RTL4: variants seen among roughly 807,000 people sequenced by gnomAD.
RTL4 encodes the protein retrotransposon Gag like 4.
A neutral mutation model predicts 5.3 loss-of-function variants in RTL4; 4 were observed. That is an observed-to-expected ratio of 0.75 (90% CI 0.37 to 1.72). RTL4 has a LOEUF of 1.72. Among genes scored for constraint, RTL4 ranks in the 40% most tolerant of loss-of-function variants. The pLI is 0.04. For synonymous variants in RTL4, 98 were observed against 87.3 expected (o/e 1.12, Z -0.68); for missense variants, 260 against 227.1 (o/e 1.14, Z -0.93).
chrX:112,208,058 T>A, the RTL4 span, among the ~76,000 whole-genome samples: 1 of 111,779 alleles, frequency 8.9e-6, no homozygotes, highest in African/African-American at 3.2e-5. Flanking sequence ...TAGGGACTTG[T>A]GGCATTGAGA....
At chrX:112,242,598 T>C in the RTL4 span, among the ~76,000 whole-genome samples, 5 of 111,981 alleles carry the variant, frequency 4.5e-5, no homozygotes, top group Non-Finnish European at 7.5e-5. Flanking sequence ...GATTTTGGGC[T>C]GAGATCATGG....
the RTL4 span, among the ~76,000 whole-genome samples, chrX:112,441,750 A>G: frequency 8.9e-6 from 1 of 112,264 alleles, no homozygotes; most frequent in South Asian, 3.7e-4. Flanking sequence ...TGTACACCTT[A>G]AATATATACA....
the RTL4 span, among the ~76,000 whole-genome samples, chrX:112,235,350 G>C: frequency 2.7e-5 from 3 of 111,714 alleles, no homozygotes; most frequent in African/African-American, 9.8e-5. Flanking sequence ...AAGGGGTAAT[G>C]GCTTCAGTTT....
At chrX:112,118,779 A>T in the RTL4 span, among the ~76,000 whole-genome samples, 9 of 112,149 alleles carry the variant, frequency 8.0e-5, no homozygotes, top group Non-Finnish European at 1.3e-4. Flanking sequence ...TTATGATGAG[A>T]TTATAGATAT....
At chrX:112,144,095 A>G in the RTL4 span, among the ~76,000 whole-genome samples, 1 of 111,647 alleles carries the variant, frequency 9.0e-6, no homozygotes, top group East Asian at 2.8e-4. Context: ...CAGGTATATC[A>G]TCTTCTAACC....
At chrX:112,351,544 G>A in the RTL4 span, among the ~76,000 whole-genome samples, 1 of 106,619 alleles carries the variant, frequency 9.4e-6, no homozygotes, top group Non-Finnish European at 1.9e-5. Flanking sequence ...TATGAATCTG[G>A]GTGCTCCTGT....
chrX:112,307,636 T>C, the RTL4 span, among the ~76,000 whole-genome samples: 4 of 111,331 alleles, frequency 3.6e-5, no homozygotes, highest in African/African-American at 1.3e-4. Context: ...TTCCCTCCAT[T>C]CCTTCCTTCC....
chrX:112,151,880 A>G, the RTL4 span, among the ~76,000 whole-genome samples: 1 of 112,284 alleles, frequency 8.9e-6, no homozygotes, highest in Non-Finnish European at 1.9e-5. Flanking sequence ...TACAAATGGA[A>G]TGCTACAGGG....
the RTL4 span, among the ~76,000 whole-genome samples, chrX:112,215,541 C>A: frequency 8.9e-6 from 1 of 112,093 alleles, no homozygotes; most frequent in Non-Finnish European, 1.9e-5. Flanking sequence ...AGTGGAGTCA[C>A]ACAATATATG....
the RTL4 span, among the ~76,000 whole-genome samples, chrX:112,279,350 T>C: frequency 1.8e-5 from 2 of 111,490 alleles, no homozygotes; most frequent in African/African-American, 3.2e-5. Context: ...TAAGGTCATA[T>C]ATTAAGCATA....
the RTL4 span, among the ~76,000 whole-genome samples, chrX:112,316,387 A>G: frequency 9.0e-6 from 1 of 111,407 alleles, no homozygotes; most frequent in Non-Finnish European, 1.9e-5. Context: ...CCTTCTCTAG[A>G]TCTCCACTTC....
At chrX:112,193,087 G>T in the RTL4 span, among the ~76,000 whole-genome samples, 1 of 111,429 alleles carries the variant, frequency 9.0e-6, no homozygotes, top group South Asian at 3.7e-4. Flanking sequence ...CATTGCCTTT[G>T]GCATTTATGG....
At chrX:112,320,546 A>C in the RTL4 span, 1 of 111,029 alleles carries the variant, frequency 9.0e-6, no homozygotes, top group Non-Finnish European at 1.9e-5. Context: ...AACATCAAGT[A>C]ATTTGTTTTC....
the RTL4 span, among the ~76,000 whole-genome samples, chrX:112,251,949 A>AAATG: frequency 8.9e-6 from 1 of 111,852 alleles, no homozygotes; most frequent in Admixed American, 9.5e-5. Flanking sequence ...AACCTTATGA[A>AAATG]AATGAAATAC....
At chrX:112,434,618 T>C in the RTL4 span, among the ~76,000 whole-genome samples, 1 of 112,010 alleles carries the variant, frequency 8.9e-6, no homozygotes, top group African/African-American at 3.3e-5. Context: ...TTGATTCTTC[T>C]CTCTTTTCTT....
chrX:112,366,648 C>T, the RTL4 span, among the ~76,000 whole-genome samples: 4 of 112,285 alleles, frequency 3.6e-5, no homozygotes, highest in East Asian at 5.6e-4. Flanking sequence ...TCCCTGTCTG[C>T]CAAACTCTTC....
chrX:112,410,658 A>G, the RTL4 span, among the ~76,000 whole-genome samples: 1 of 112,066 alleles, frequency 8.9e-6, no homozygotes, highest in Non-Finnish European at 1.9e-5. Context: ...GAAATAAACA[A>G]GGAAATTTAA....
chrX:112,414,367 G>A, the RTL4 span, among the ~76,000 whole-genome samples: 1 of 110,493 alleles, frequency 9.1e-6, no homozygotes, highest in Non-Finnish European at 1.9e-5. Context: ...TTCCTTTTTG[G>A]GTTTCAGAGG....
At chrX:112,348,139 T>A in the RTL4 span, among the ~76,000 whole-genome samples, 8 of 110,901 alleles carry the variant, frequency 7.2e-5, no homozygotes, top group African/African-American at 2.6e-4. Flanking sequence ...TTGGTATAGG[T>A]CTCACTAGTT....
Sources: allele counts gnomAD v4.1 joint callset (sites outside exome capture counted in the v4.1 genomes callset), GRCh38; gene constraint gnomAD v4.1.1; transcripts MANE v1.5; gene names NCBI Gene and HGNC (gene_info 2026-07-23, HGNC 2026-07-21).